Variants in CDH2 observed in about 807,000 individuals in gnomAD.
CDH2 encodes the protein cadherin 2.
In CDH2, 17 loss-of-function variants were observed where a neutral mutation model predicts 92.0. The observed-to-expected ratio is 0.18, with a 90% CI of 0.13 to 0.28. The LOEUF (loss-of-function observed/expected upper bound fraction) is 0.28, where lower values mean the gene tolerates loss of function less well. CDH2 is among the 10% of genes least tolerant of loss of function. The pLI, the probability that CDH2 is intolerant of heterozygous loss-of-function variation, is 1.00. For missense variants in CDH2, 862 were observed against 1,133.1 expected (o/e 0.76, Z 3.44); for synonymous variants, 419 against 415.9 (o/e 1.01, Z -0.09).
At chr18:28,044,664 GT>G (rs2014034582) in intron 2 of CDH2, among the ~76,000 whole-genome samples, 1 of 151,980 alleles carries the variant, frequency 6.6e-6, no homozygotes, top group African/African-American at 2.4e-5. Flanking sequence ...GGAAAACACA[GT>G]GAACATTATT....
intron 1 of CDH2, among the ~76,000 whole-genome samples, chr18:28,155,405 G>C (rs1187571713): frequency 6.6e-6 from 1 of 152,200 alleles, no homozygotes; most frequent in Non-Finnish European, 1.5e-5. Context: ...TTTGATTGTG[G>C]AGACTTTTAT....
intron 9 of CDH2, 99 bp downstream of exon 9, chr18:27,992,556 A>T: frequency 2.0e-6 from 2 of 1,000,850 alleles, no homozygotes; most frequent in Non-Finnish European, 2.9e-6. Flanking sequence ...TCTGAAAGAA[A>T]AACGTCCTAA....
chr18:28,114,134 T>C (rs2015456996), intron 2 of CDH2, among the ~76,000 whole-genome samples: 2 of 152,082 alleles, frequency 1.3e-5, no homozygotes, highest in South Asian at 4.1e-4. Context: ...ATTCTAGTGT[T>C]CTATAGCACT....
chr18:28,022,108 A>T (rs2013426166), intron 2 of CDH2, among the ~76,000 whole-genome samples: 1 of 151,978 alleles, frequency 6.6e-6, no homozygotes, highest in African/African-American at 2.4e-5. Context: ...CCACATAACG[A>T]ATTTGCTCAT....
intron 2 of CDH2, among the ~76,000 whole-genome samples, chr18:28,063,753 T>C (rs1305235896): frequency 1.3e-5 from 2 of 152,214 alleles, no homozygotes; most frequent in Non-Finnish European, 2.9e-5. Flanking sequence ...TAACTGTGTA[T>C]GTAAAACTTC....
chr18:28,060,419 T>C (rs189546208), intron 2 of CDH2, among the ~76,000 whole-genome samples: 1 of 152,286 alleles, frequency 6.6e-6, no homozygotes, highest in Non-Finnish European at 1.5e-5. Flanking sequence ...GCTCCTGAAC[T>C]CAAATGATCT....
chr18:27,986,245 A>ACC, intron 11 of CDH2, among the ~76,000 whole-genome samples: 1 of 152,194 alleles, frequency 6.6e-6, no homozygotes, highest in Non-Finnish European at 1.5e-5. Context: ...GTGATACAGA[A>ACC]CCACAGACCT....
chr18:27,992,544 T>C (rs2012450298), intron 9 of CDH2, 111 bp downstream of exon 9: 5 of 818,014 alleles, frequency 6.1e-6, no homozygotes, highest in South Asian at 2.0e-5. Flanking sequence ...CATCTGGAGA[T>C]GTCTGAAAGA....
chr18:28,002,083 G>A (rs1264289126), intron 7 of CDH2, among the ~76,000 whole-genome samples: 1 of 152,212 alleles, frequency 6.6e-6, no homozygotes, highest in East Asian at 1.9e-4. Context: ...GACCTTGAGA[G>A]TCTGTAAGAA....
chr18:28,098,538 C>T (rs1040300892), intron 2 of CDH2, among the ~76,000 whole-genome samples: 4 of 151,616 alleles, frequency 2.6e-5, no homozygotes, highest in Middle Eastern at 3.4e-3. Context: ...ACCACATGGC[C>T]GATAGCACTA....
intron 2 of CDH2, among the ~76,000 whole-genome samples, chr18:28,115,314 A>G (rs943849581): frequency 6.6e-6 from 1 of 152,138 alleles, no homozygotes; most frequent in Admixed American, 6.6e-5. Context: ...GTGGGGCATG[A>G]GTCATACTGT....
At chr18:28,023,041 T>C (rs1413321018) in intron 2 of CDH2, among the ~76,000 whole-genome samples, 1 of 152,148 alleles carries the variant, frequency 6.6e-6, no homozygotes, top group African/African-American at 2.4e-5. Flanking sequence ...TGAAAAAAGG[T>C]ATCTTTTTAG....
chr18:27,964,777 G>T (rs561862057), intron 14 of CDH2, among the ~76,000 whole-genome samples: 2 of 152,204 alleles, frequency 1.3e-5, no homozygotes, highest in Non-Finnish European at 2.9e-5. Flanking sequence ...GTCGCATATG[G>T]TCCCAGATCT....
intron 6 of CDH2, among the ~76,000 whole-genome samples, chr18:27,939,971 C>T (rs1909099568): frequency 6.6e-6 from 1 of 152,092 alleles, no homozygotes; most frequent in African/African-American, 2.4e-5. Flanking sequence ...TGTCTGCAAC[C>T]CCACCCTTGG....
intron 6 of CDH2, among the ~76,000 whole-genome samples, chr18:27,942,368 A>C (rs575669067): frequency 1.3e-5 from 2 of 152,374 alleles, no homozygotes; most frequent in East Asian, 3.9e-4. Context: ...AATAGATAAC[A>C]ATAGCTAACT....
intron 2 of CDH2, among the ~76,000 whole-genome samples, chr18:28,139,168 G>T (rs543060190): frequency 6.6e-6 from 1 of 152,034 alleles, no homozygotes; most frequent in East Asian, 1.9e-4. Flanking sequence ...AAAAATGCAG[G>T]TACATAAAAA....
chr18:28,000,216 G>A (rs767934197), intron 7 of CDH2, among the ~76,000 whole-genome samples: 3 of 151,978 alleles, frequency 2.0e-5, no homozygotes, highest in South Asian at 2.1e-4. Flanking sequence ...TGATTCTCCC[G>A]CTCAGCCTCC....
chr18:28,131,338 T>TAA (rs893463890), intron 2 of CDH2, among the ~76,000 whole-genome samples: 2 of 152,184 alleles, frequency 1.3e-5, no homozygotes, highest in Non-Finnish European at 2.9e-5. Flanking sequence ...GAGTAATTGT[T>TAA]ATACCCCAAC....
chr18:27,937,069 A>G (rs1909036903), intron 6 of CDH2, among the ~76,000 whole-genome samples: 1 of 152,234 alleles, frequency 6.6e-6, no homozygotes, highest in East Asian at 1.9e-4. Flanking sequence ...GAGGATAGCC[A>G]ACATCCTCAA....
Sources: allele counts gnomAD v4.1 joint callset (sites outside exome capture counted in the v4.1 genomes callset), GRCh38; gene constraint gnomAD v4.1.1; transcripts MANE v1.5; gene names NCBI Gene and HGNC (gene_info 2026-07-23, HGNC 2026-07-21).